The following PLA2G5 variants were observed in gnomAD, a reference collection of about 807,000 sequenced individuals.
The protein encoded by PLA2G5 is Ca2+-dependent phospholipase A2.
PLA2G5 carries 12 observed loss-of-function variants against 15.9 expected under a neutral mutation model. The ratio of observed to expected loss-of-function variants is 0.76; its 90% CI spans 0.48 to 1.23. The LOEUF is 1.23. Ranked by LOEUF, PLA2G5 falls within the 50% of genes most tolerant of loss-of-function variation. The pLI, the probability that PLA2G5 is intolerant of heterozygous loss-of-function variation, is 0.00. For missense variants in PLA2G5, 169 were observed against 177.1 expected, an observed-to-expected ratio of 0.95 and a Z score of 0.26; for synonymous variants, 71 against 71.4, an observed-to-expected ratio of 0.99 and a Z score of 0.03.
chr1:20,054,242 A>G (rs2014324789), intron 1 of PLA2G5, among the ~76,000 whole-genome samples: 1 of 152,172 alleles, frequency 6.6e-6, no homozygotes, highest in African/African-American at 2.4e-5. Flanking sequence ...TGATTACCCC[A>G]CATCCTTTGC....
chr1:20,078,589 C>T (rs1442395984), intron 1 of PLA2G5, among the ~76,000 whole-genome samples: 1 of 152,196 alleles, frequency 6.6e-6, no homozygotes, highest in Non-Finnish European at 1.5e-5. Flanking sequence ...GGCACAAGTT[C>T]TGTCTCATTC....
chr1:20,056,307 G>A (rs1006209380), intron 1 of PLA2G5, among the ~76,000 whole-genome samples: 2 of 151,728 alleles, frequency 1.3e-5, no homozygotes, highest in African/African-American at 2.4e-5. Context: ...CTCAAGGGCA[G>A]GTGTTCCTCC....
intron 1 of PLA2G5, among the ~76,000 whole-genome samples, chr1:20,074,789 G>C (rs946808711): frequency 6.6e-6 from 1 of 152,202 alleles, no homozygotes; most frequent in Non-Finnish European, 1.5e-5. Context: ...GTGCCTGGTG[G>C]GTGTTGGTTC....
chr1:20,074,068 AG>A (rs2015532843), intron 1 of PLA2G5, among the ~76,000 whole-genome samples: 1 of 152,138 alleles, frequency 6.6e-6, no homozygotes. Flanking sequence ...GACCTTGGGT[AG>A]GTAGTCAGGG....
intron 1 of PLA2G5, among the ~76,000 whole-genome samples, chr1:20,083,339 G>C (rs193070436): frequency 5.9e-5 from 9 of 151,862 alleles, no homozygotes; most frequent in Admixed American, 4.6e-4. Context: ...GTAGCCAGGA[G>C]CCCAGGGGAG....
chr1:20,047,777 G>C (rs1042311143), intron 1 of PLA2G5, among the ~76,000 whole-genome samples: 1 of 150,436 alleles, frequency 6.6e-6, no homozygotes, highest in Non-Finnish European at 1.5e-5. Context: ...TATTTAAAAG[G>C]CATTTATAAT....
chr1:20,085,486 C>T (rs934217040), intron 2 of PLA2G5, among the ~76,000 whole-genome samples: 1 of 152,128 alleles, frequency 6.6e-6, no homozygotes, highest in Non-Finnish European at 1.5e-5. Context: ...CTCTTCCCTC[C>T]ATGCCTCAGT....
At chr1:20,046,252 T>G (rs1557728440) in intron 1 of PLA2G5, 2 of 152,246 alleles carry the variant, frequency 1.3e-5, no homozygotes, top group South Asian at 4.1e-4. Context: ...TTTTTGTTGT[T>G]GTTGTTTCTT....
chr1:20,039,189 T>G (rs1350230363), intron 1 of PLA2G5, among the ~76,000 whole-genome samples: 1 of 152,228 alleles, frequency 6.6e-6, no homozygotes, highest in South Asian at 2.1e-4. Flanking sequence ...GAATTGTAGC[T>G]GTGATTTTGC....
intron 1 of PLA2G5, among the ~76,000 whole-genome samples, chr1:20,083,310 G>A (rs2016124968): frequency 6.6e-6 from 1 of 151,902 alleles, no homozygotes; most frequent in Admixed American, 6.5e-5. Context: ...TACTGGACAA[G>A]GGCTGGCCTG....
At chr1:20,074,509 G>A (rs1195942707) in intron 1 of PLA2G5, among the ~76,000 whole-genome samples, 1 of 152,194 alleles carries the variant, frequency 6.6e-6, no homozygotes, top group Non-Finnish European at 1.5e-5. Context: ...CTGACTTCAT[G>A]AGCTTTGACA....
intron 1 of PLA2G5, among the ~76,000 whole-genome samples, chr1:20,031,411 G>A (rs1220462079): frequency 6.6e-6 from 1 of 152,190 alleles, no homozygotes; most frequent in Non-Finnish European, 1.5e-5. Flanking sequence ...AAGACAAAAG[G>A]AGATTTGAGT....
intron 1 of PLA2G5, among the ~76,000 whole-genome samples, chr1:20,042,493 C>T (rs1256287454): frequency 6.6e-6 from 1 of 152,020 alleles, no homozygotes; most frequent in African/African-American, 2.4e-5. Context: ...ATTTTGACCG[C>T]ACAGCCCTGC....
At chr1:20,066,172 G>A (rs2015016083), upstream of PLA2G5, 1 of 152,198 alleles carries the variant, frequency 6.6e-6, no homozygotes, top group Non-Finnish European at 1.5e-5. Context: ...AATGACATAT[G>A]ATATTGAATG....
intron 1 of PLA2G5, among the ~76,000 whole-genome samples, chr1:20,039,993 G>A (rs1344675800): frequency 1.3e-5 from 2 of 152,054 alleles, no homozygotes; most frequent in Non-Finnish European, 2.9e-5. Context: ...GACTGGTATG[G>A]GTTTTGTTTT....
intron 3 of PLA2G5, among the ~76,000 whole-genome samples, chr1:20,086,758 C>G (rs1362124179): frequency 6.6e-6 from 1 of 152,154 alleles, no homozygotes. Context: ...CCTCAGAAAT[C>G]CCATTGTGTC....
intron 1 of PLA2G5, among the ~76,000 whole-genome samples, chr1:20,044,193 C>T (rs2013770105): frequency 6.6e-6 from 1 of 152,172 alleles, no homozygotes; most frequent in Admixed American, 6.5e-5. Context: ...AATGCTTGAC[C>T]ACTGCAGCTT....
At chr1:20,087,515 T>C (rs988491310) in intron 3 of PLA2G5, among the ~76,000 whole-genome samples, 10 of 151,488 alleles carry the variant, frequency 6.6e-5, no homozygotes, top group Non-Finnish European at 1.3e-4. Flanking sequence ...TGCCTCAGTC[T>C]CCCAAGTAGC....
At chr1:20,032,916 A>T (rs1232729559) in intron 1 of PLA2G5, among the ~76,000 whole-genome samples, 1 of 152,168 alleles carries the variant, frequency 6.6e-6, no homozygotes, top group Non-Finnish European at 1.5e-5. Flanking sequence ...CTTGCAATAG[A>T]TAATGGTGGC....
Sources: gnomAD v4.1 joint callset for allele counts (sites outside exome capture counted in the v4.1 genomes callset) on GRCh38, gnomAD v4.1.1 for gene constraint, MANE v1.5 for transcripts, NCBI Gene and HGNC (gene_info 2026-07-23, HGNC 2026-07-21) for gene names.